RNF10: variants seen among roughly 807,000 people sequenced by gnomAD.
RNF10 encodes the protein E3 ubiquitin-protein ligase RNF10.
Under a neutral mutation model 91.4 loss-of-function variants are expected in RNF10, and 38 were observed. The ratio of observed to expected loss-of-function variants is 0.42; its 90% CI spans 0.32 to 0.54. The LOEUF (loss-of-function observed/expected upper bound fraction) is 0.54. RNF10 is among the 20% of genes least tolerant of loss of function. RNF10 has a pLI of 0.16. For missense variants in RNF10, 945 were observed against 1,012.0 expected (o/e 0.93, Z 0.90); for synonymous variants, 364 against 366.3 (o/e 0.99, Z 0.07).
In RNF10 at chr12:120,565,058, T is replaced by G. The variant is rs748625894; in HGVS notation, c.1666-14T>G. The G allele has an allele frequency of 1.3e-5, 20 of 1,584,022 alleles. No homozygotes were observed. The highest frequency in any genetic ancestry group is 9.5e-6 in the Non-Finnish European group (11 of 1,152,976). On this transcript the variant is annotated splice_polypyrimidine_tract_variant and intron_variant, in intron 10 of 16. Transcript: ENST00000325954. ...GCTTGCTTTTGTTGAGTATTGGTCCTTTTTCCAATGTAGGATGTTCGACAG... is the reference window on the plus strand; with the variant it reads ...GCTTGCTTTTGTTGAGTATTGGTCCGTTTTCCAATGTAGGATGTTCGACAG...
At chr12:120,535,265 G>A (rs1331234376) in intron 1 of RNF10, among the ~76,000 whole-genome samples, 1 of 152,206 alleles carries the variant, frequency 6.6e-6, no homozygotes, top group Non-Finnish European at 1.5e-5. Context: ...CTCACAGCAG[G>A]CCTTAAGACT....
In RNF10 at chr12:120,564,466, C is replaced by CA. The variant is rs1263961210; in HGVS notation, c.1665+532dup. Among the ~76,000 whole-genome samples, 12 of 151,312 alleles carry CA rather than the reference C, an allele frequency of 7.9e-5. No homozygotes were observed. In the East Asian group the frequency reaches 2.1e-3, roughly 27 times the overall value. On this transcript the variant is annotated intron_variant, in intron 10 of 16. Coordinates refer to ENST00000325954, the MANE Select transcript of RNF10 (RefSeq NM_014868.5). ...AGCCAGGGCATTTCTACAAAAAATA[C>CA]AAAAAAAAATTAGCTGGGTATGATG... is the stretch of plus-strand genomic sequence containing the variant.
At chr12:120,566,724 T>G in intron 12 of RNF10, 101 bp from the exon 13 acceptor site, 2 of 1,118,498 alleles carry the variant, frequency 1.8e-6, no homozygotes, top group Non-Finnish European at 2.6e-6. Flanking sequence ...ATCGTACCAC[T>G]ACACTCCAGC....
At position 120,552,653 on chromosome 12, in the gene RNF10, A is replaced by AGTG. The variant is rs561848317; in HGVS notation, c.511_513dup (p.Trp171dup). On this transcript the variant is annotated inframe_insertion, in exon 3 of 17. Coordinates refer to ENST00000325954, the MANE Select transcript of RNF10 (RefSeq NM_014868.5). ...CATGGTAGCTGGGGAAAGAGGAACA[A>AGTG]GTGGGGACATAAGCCTTTTAACAAG... 19 of 1,614,142 alleles carry AGTG rather than the reference A, an allele frequency of 1.2e-5. No individual in the cohort carries two copies. In the South Asian group the frequency reaches 1.9e-4, roughly 16 times the overall value.
chr12:120,542,862 T>C (rs1055558033), intron 1 of RNF10, among the ~76,000 whole-genome samples: 1 of 152,160 alleles, frequency 6.6e-6, no homozygotes, highest in Admixed American at 6.6e-5. Flanking sequence ...AAATTGTAAC[T>C]AAGGTAAGGG....
At chr12:120,539,519 G>A in intron 1 of RNF10, 2 of 922,438 alleles carry the variant, frequency 2.2e-6, no homozygotes, top group South Asian at 2.7e-5. Flanking sequence ...GAAACTTGCT[G>A]ACTGGTATTC....
chr12:120,546,368 G>A (rs764916940), intron 1 of RNF10, 37 bp from the exon 2 acceptor site: 6 of 1,584,154 alleles, frequency 3.8e-6, no homozygotes, highest in Non-Finnish European at 5.2e-6. Flanking sequence ...GAATGTATCA[G>A]CTTCTTAAGA....
rs747411433 is a variant in RNF10 at position 120,554,705 on chromosome 12, T to C, written c.555-13T>C. 8 of 1,605,314 alleles carry C rather than the reference T, an allele frequency of 5.0e-6. No individual in the cohort carries two copies. The highest frequency in any genetic ancestry group is 1.1e-5 in the South Asian group (1 of 90,852). On this transcript the variant is annotated splice_polypyrimidine_tract_variant and intron_variant, in intron 3 of 16. Transcript: ENST00000325954. ...CTGACAGTCTAGCTTTTTCCTGTCT[T>C]TCCTATTTCTAGCTGCCAATTTGTG...
rs1027833970 is a variant in RNF10, at chr12:120,557,480, A to G, written c.830+14A>G. 6.2e-7 allele frequency: 1 copy of G among 1,613,676 alleles called. No homozygotes were observed. Among genetic ancestry groups the G allele is most frequent in the Non-Finnish European group, 8.5e-7 (1 of 1,179,576 alleles). On this transcript the variant is annotated intron_variant, in intron 5 of 16. Coordinates refer to ENST00000325954, the MANE Select transcript of RNF10 (RefSeq NM_014868.5). ...GGATCTCAAGAGGTGAGATTGAGAC[A>G]TTTACTCAGTTAGATCCCAATCTCT...
intron 2 of RNF10, among the ~76,000 whole-genome samples, chr12:120,549,757 C>T (rs1396897506): frequency 1.3e-5 from 2 of 152,112 alleles, no homozygotes; most frequent in Non-Finnish European, 2.9e-5. Flanking sequence ...TGCACTCCAG[C>T]TTGGGCGACA....
In RNF10 at chr12:120,569,558, G is replaced by T. The variant is rs922088081; in HGVS notation, c.2042-1633G>T. 2.9e-4 allele frequency among the ~76,000 whole-genome samples: 4 copies of T among 13,922 alleles called. No homozygotes were observed. In the Admixed American group the frequency reaches 4.6e-3, roughly 16 times the overall value. The allele number at this position is 13,922 out of a possible 152,430, so 9.1% of individuals were successfully genotyped here. ...TGCATCTTTTTTTTTTTGAGACAGG[G>T]TCTCGCTCTGTCGCCCAAACTGGAG... is the stretch of plus-strand genomic sequence containing the variant. On this transcript the variant is annotated intron_variant, in intron 13 of 16. Coordinates refer to ENST00000325954, the MANE Select transcript of RNF10 (RefSeq NM_014868.5).
chr12:120,538,212 A>G (rs1871109137), intron 1 of RNF10, among the ~76,000 whole-genome samples: 2 of 152,234 alleles, frequency 1.3e-5, no homozygotes, highest in Non-Finnish European at 2.9e-5. Flanking sequence ...TGAAAAGAGC[A>G]AGAGTTTTCA....
At chr12:120,536,586 G>A (rs74737365) in intron 1 of RNF10, among the ~76,000 whole-genome samples, 3,123 of 152,270 alleles carry the variant, frequency 0.021, 104 homozygotes, top group African/African-American at 0.071. Flanking sequence ...GTCAGGAAAT[G>A]GCATGTATGC....
At chr12:120,564,148 G>C (rs1177895869) in intron 10 of RNF10, among the ~76,000 whole-genome samples, 2 of 152,144 alleles carry the variant, frequency 1.3e-5, no homozygotes, top group Non-Finnish European at 2.9e-5. Context: ...AGTTAATGCT[G>C]TTCCCTGCTT....
At chr12:120,551,703 A>T (rs1396803485) in intron 2 of RNF10, among the ~76,000 whole-genome samples, 2 of 152,114 alleles carry the variant, frequency 1.3e-5, no homozygotes, top group African/African-American at 4.8e-5. Context: ...GGTGTATCAT[A>T]GTGCACTGCA....
Position 120,565,116 on chromosome 12 carries a change from C to A in RNF10, c.1710C>A (p.Thr570=), listed in dbSNP as rs569154073. 1 of 1,614,008 alleles carries A rather than the reference C, an allele frequency of 6.2e-7. No homozygotes were observed. The highest frequency in any genetic ancestry group is 2.2e-5 in the East Asian group (1 of 44,890). Residue 570 remains threonine (T), a synonymous_variant, in exon 11 of 17, where the codon ACC becomes ACA. Coordinates refer to ENST00000325954, the MANE Select transcript of RNF10 (RefSeq NM_014868.5). ...RHRYLSHLPL[T]CEFSICELAL... ...GATATCTCTCTCACTTGCCACTCAC[C>A]TGTGAGTTCAGCATCTGTGAACTGG... is the stretch of plus-strand genomic sequence containing the variant.
chr12:120,550,897 A>T (rs928241549), intron 2 of RNF10, among the ~76,000 whole-genome samples: 8 of 152,060 alleles, frequency 5.3e-5, no homozygotes, highest in African/African-American at 1.4e-4. Context: ...CACCCGGCCC[A>T]GAATGCGGCG....
Position 120,534,696 on chromosome 12 carries a change from C to A in RNF10, c.-116C>A. 2 of 1,390,796 alleles carry A rather than the reference C, an allele frequency of 1.4e-6. No individual in the cohort carries two copies. The highest frequency in any genetic ancestry group is 3.2e-5 in the South Asian group (2 of 61,876). 86.2% of individuals were successfully genotyped at this position (1,390,796 alleles called of 1,614,324 possible). On this transcript the variant is annotated 5_prime_UTR_variant, in exon 1 of 17. Transcript: ENST00000325954. ...GGAAGGAAACAGGGAAAAATGTCGC[C>A]ATGAAGGCCGAGAACCGCTGCCGCC... is the stretch of plus-strand genomic sequence containing the variant.
At chr12:120,547,654 G>T (rs954515495) in intron 2 of RNF10, among the ~76,000 whole-genome samples, 2 of 152,166 alleles carry the variant, frequency 1.3e-5, no homozygotes, top group Non-Finnish European at 2.9e-5. Flanking sequence ...GCAAGGGACG[G>T]GAGGTGGTAG....
Sources: gnomAD v4.1 joint callset for allele counts (sites outside exome capture counted in the v4.1 genomes callset) on GRCh38, gnomAD v4.1.1 for gene constraint, MANE v1.5 for transcripts, NCBI Gene and HGNC (gene_info 2026-07-23, HGNC 2026-07-21) for gene names.